The following SDK1 variants were observed in gnomAD, a reference collection of about 807,000 sequenced individuals.
SDK1 encodes protein sidekick-1.
Under a neutral mutation model 245.5 loss-of-function variants are expected in SDK1, and 157 were observed. That is an observed-to-expected ratio of 0.64 (90% CI 0.56 to 0.73). The LOEUF is 0.73. SDK1 is among the 30% of genes least tolerant of loss of function. SDK1 has a pLI of 0.00. For synonymous variants in SDK1, 1,647 were observed against 1,278.5 expected (o/e 1.29, Z -6.15); for missense variants, 3,583 against 3,002.3 (o/e 1.19, Z -4.52).
chr7:4,050,970 TTATA>T (rs887075539), intron 18 of SDK1, among the ~76,000 whole-genome samples: 1 of 141,514 alleles, frequency 7.1e-6, no homozygotes, highest in African/African-American at 2.6e-5. Flanking sequence ...ACTATATATG[TTATA>T]TATATGCTAT....
intron 4 of SDK1, among the ~76,000 whole-genome samples, chr7:3,818,658 G>T (rs1240814634): frequency 6.6e-6 from 1 of 152,202 alleles, no homozygotes; most frequent in Non-Finnish European, 1.5e-5. Flanking sequence ...ACTTATCACG[G>T]TTCAACAGGA....
rs186460667 is a variant in SDK1, at chr7:3,458,024, T to C, written c.298+156140T>C. On this transcript the variant is annotated intron_variant, in intron 1 of 44. Transcript: ENST00000404826. ...GAATTTTATATTGCCCTTTGCCTTA[T>C]AGCCTCCAGTGATTCTCTTGACAAT... Among the ~76,000 whole-genome samples, 177 of 152,362 alleles carry C rather than the reference T, an allele frequency of 1.2e-3. 2 individuals are homozygous for C. The highest frequency in any genetic ancestry group is 4.0e-3 in the African/African-American group (168 of 41,592).
intron 4 of SDK1, among the ~76,000 whole-genome samples, chr7:3,709,836 T>C (rs936467791): frequency 6.6e-6 from 1 of 152,230 alleles, no homozygotes; most frequent in Non-Finnish European, 1.5e-5. Flanking sequence ...GTAGAAGCTG[T>C]AGGCTCTCTC....
chr7:3,998,564 T>C (rs1784846031), intron 14 of SDK1, among the ~76,000 whole-genome samples: 1 of 152,182 alleles, frequency 6.6e-6, no homozygotes, highest in Non-Finnish European at 1.5e-5. Flanking sequence ...AATTCATGCA[T>C]TCCCAAGGCC....
intron 1 of SDK1, among the ~76,000 whole-genome samples, chr7:3,543,707 G>A (rs545836511): frequency 6.6e-6 from 1 of 152,344 alleles, no homozygotes; most frequent in Non-Finnish European, 1.5e-5. Flanking sequence ...CATAGACACA[G>A]GCAGGAGTTA....
intron 17 of SDK1, among the ~76,000 whole-genome samples, chr7:4,024,248 G>A (rs983436646): frequency 4.0e-4 from 61 of 152,240 alleles, no homozygotes; most frequent in Non-Finnish European, 5.6e-4. Context: ...TGTTCACTTG[G>A]GCTTTGAAAG....
chr7:3,641,012 C>T (rs1285811081), intron 3 of SDK1, among the ~76,000 whole-genome samples: 2 of 151,452 alleles, frequency 1.3e-5, no homozygotes, highest in African/African-American at 4.9e-5. Flanking sequence ...TCTTTCTTTT[C>T]TCCTTTGCTT....
At chr7:3,338,264 C>A in intron 1 of SDK1, 1 of 420,460 alleles carries the variant, frequency 2.4e-6, no homozygotes, top group Admixed American at 2.8e-5. Flanking sequence ...GGAATGGGTA[C>A]TGTTCAGAAA....
intron 1 of SDK1, among the ~76,000 whole-genome samples, chr7:3,434,285 A>G (rs190944152): frequency 2.1e-3 from 319 of 152,328 alleles, no homozygotes; most frequent in African/African-American, 7.4e-3. Context: ...ATATGTCAAC[A>G]TGATTTTTCT....
intron 22 of SDK1, among the ~76,000 whole-genome samples, chr7:4,102,666 C>T (rs1782631633): frequency 6.6e-6 from 1 of 152,180 alleles, no homozygotes; most frequent in East Asian, 1.9e-4. Flanking sequence ...CAGGGGTGTT[C>T]CTGGTCCTGC....
intron 1 of SDK1, among the ~76,000 whole-genome samples, chr7:3,553,691 A>C (rs1188440243): frequency 6.6e-6 from 1 of 152,182 alleles, no homozygotes; most frequent in Non-Finnish European, 1.5e-5. Context: ...TCTGTGAAGC[A>C]ATTGTTAGAA....
chr7:3,622,430 A>T (rs1781970453), intron 2 of SDK1, among the ~76,000 whole-genome samples: 1 of 152,204 alleles, frequency 6.6e-6, no homozygotes, highest in African/African-American at 2.4e-5. Context: ...GCAGTGAGCC[A>T]GGATCGCACC....
At chr7:3,350,206 CAT>C (rs1442845248) in intron 1 of SDK1, among the ~76,000 whole-genome samples, 6 of 152,108 alleles carry the variant, frequency 3.9e-5, no homozygotes, top group South Asian at 4.1e-4. Flanking sequence ...TATCAGAAAA[CAT>C]AGGATGGATG....
At chr7:4,155,363 C>A (rs1051264083) in intron 30 of SDK1, among the ~76,000 whole-genome samples, 2 of 152,232 alleles carry the variant, frequency 1.3e-5, no homozygotes, top group African/African-American at 2.4e-5. Flanking sequence ...TGCACCCAAA[C>A]CCATTTGTCT....
chr7:3,330,972 A>C (rs956741629), intron 1 of SDK1, among the ~76,000 whole-genome samples: 11 of 151,710 alleles, frequency 7.3e-5, no homozygotes, highest in Non-Finnish European at 1.3e-4. Context: ...TCTCTTAAAA[A>C]ACATAAAAAT....
At chr7:3,690,137 C>T (rs893675582) in intron 4 of SDK1, among the ~76,000 whole-genome samples, 2 of 152,176 alleles carry the variant, frequency 1.3e-5, no homozygotes, top group African/African-American at 4.8e-5. Flanking sequence ...TTGGAAAAAT[C>T]TGGAATGGAA....
intron 4 of SDK1, among the ~76,000 whole-genome samples, chr7:3,787,505 G>A (rs1312995045): frequency 6.6e-6 from 1 of 151,970 alleles, no homozygotes; most frequent in Non-Finnish European, 1.5e-5. Flanking sequence ...AACAGGAACT[G>A]AGAGCAATTC....
At chr7:3,738,057 C>T (rs1335414121) in intron 4 of SDK1, among the ~76,000 whole-genome samples, 1 of 152,180 alleles carries the variant, frequency 6.6e-6, no homozygotes. Flanking sequence ...AAGCTGGGGA[C>T]CTCCTCTTCT....
chr7:3,629,483 G>A (rs1782225969), intron 2 of SDK1, among the ~76,000 whole-genome samples: 1 of 152,100 alleles, frequency 6.6e-6, no homozygotes, highest in Non-Finnish European at 1.5e-5. Flanking sequence ...AGTTCCCTGT[G>A]CTTACACAGG....
Sources: allele counts gnomAD v4.1 joint callset (sites outside exome capture counted in the v4.1 genomes callset), GRCh38; gene constraint gnomAD v4.1.1; transcripts MANE v1.5; gene names NCBI Gene and HGNC (gene_info 2026-07-23, HGNC 2026-07-21).